Variants in SDC2 observed in about 807,000 individuals in gnomAD.
SDC2 encodes the protein syndecan 2, also known as syndecan-2.
Under a neutral mutation model 22.2 loss-of-function variants are expected in SDC2, and 13 were observed. That is an observed-to-expected ratio of 0.59 (90% CI 0.38 to 0.93). The LOEUF (loss-of-function observed/expected upper bound fraction) is 0.93, where lower values mean the gene tolerates loss of function less well. Ranked by LOEUF, SDC2 falls within the 40% of genes least tolerant of loss-of-function variation. SDC2 has a pLI of 0.00. For missense variants in SDC2, 235 were observed against 246.8 expected (o/e 0.95, Z 0.32); for synonymous variants, 94 against 92.8 (o/e 1.01, Z -0.07).
At chr8:96,602,861 A>G (rs1271303234) in intron 3 of SDC2, among the ~76,000 whole-genome samples, 2 of 152,196 alleles carry the variant, frequency 1.3e-5, no homozygotes, top group Non-Finnish European at 2.9e-5. Flanking sequence ...GTTAAGAAGT[A>G]AAGCCCTGTT....
intron 1 of SDC2, among the ~76,000 whole-genome samples, chr8:96,508,158 T>A (rs1369447486): frequency 6.6e-6 from 1 of 152,012 alleles, no homozygotes; most frequent in East Asian, 1.9e-4. Context: ...TAGCCGGGCA[T>A]GGGGGCGGGC....
Position 96,602,512 on chromosome 8 carries a change from T to C in SDC2, c.290T>C (p.Ile97Thr), listed in dbSNP as rs983787588. ...ACGACGCTGAATATACAGAACAAGA[T>C]ACCTGCTCAGACAAAGGTGCGTTCT... ...ETTTLNIQNK[I>T]PAQTKSPEET... The change falls in exon 3 of 5, where the codon ATA becomes ACA. Residue 97 changes from isoleucine (I) to threonine (T), a missense_variant. Ile to Thr is a moderately conservative substitution (Grantham distance 89). Transcript: ENST00000302190. The C allele has an allele frequency of 5.0e-6, 8 of 1,614,004 alleles. No homozygotes were observed. The highest frequency in any genetic ancestry group is 2.7e-5 in the African/African-American group (2 of 74,946).
chr8:96,553,255 G>C (rs1325430004), intron 1 of SDC2, among the ~76,000 whole-genome samples: 2 of 152,182 alleles, frequency 1.3e-5, no homozygotes, highest in African/African-American at 4.8e-5. Flanking sequence ...TTAATTACAA[G>C]TATTCAATTT....
rs146791873 is a variant in SDC2 at position 96,554,056 on chromosome 8, G to A, written c.61-39424G>A. Among the ~76,000 whole-genome samples, 94 of 152,250 alleles carry A rather than the reference G, an allele frequency of 6.2e-4. 1 individual carries two copies. The highest frequency in any genetic ancestry group is 2.1e-3 in the African/African-American group (88 of 41,550). ...CTGCCTTGCTTCAGCCTCCCAAAGT[G>A]TTGGGGTTACAGGTGTGAGCTACTG... On this transcript the variant is annotated intron_variant, in intron 1 of 4. Coordinates refer to ENST00000302190, the MANE Select transcript of SDC2 (RefSeq NM_002998.4).
At chr8:96,586,232 A>G (rs2130618157) in intron 1 of SDC2, among the ~76,000 whole-genome samples, 1 of 152,324 alleles carries the variant, frequency 6.6e-6, no homozygotes, top group East Asian at 1.9e-4. Flanking sequence ...GTAAGAGAAC[A>G]TTGATCTGTT....
chr8:96,582,517 A>C (rs1001232438), intron 1 of SDC2, among the ~76,000 whole-genome samples: 3 of 152,112 alleles, frequency 2.0e-5, no homozygotes, highest in African/African-American at 7.2e-5. Flanking sequence ...GAGTCTTTGA[A>C]AGTGCTGACA....
At position 96,583,767 on chromosome 8, in the gene SDC2, T is replaced by C. The variant is rs550718158; in HGVS notation, c.61-9713T>C. On this transcript the variant is annotated intron_variant, in intron 1 of 4. Coordinates refer to ENST00000302190, the MANE Select transcript of SDC2 (RefSeq NM_002998.4). ...ATATAGTTGTAATATTAGAAAAAAA[T>C]TAATGTATGCTTTTTAAATTTAATA... Among the ~76,000 whole-genome samples the C allele has an allele frequency of 2.4e-4, 36 of 151,360 alleles. No individual in the cohort carries two copies. In the East Asian group the frequency reaches 6.6e-3, roughly 28 times the overall value.
At chr8:96,580,426 C>T (rs372025104) in intron 1 of SDC2, 1 of 985,398 alleles carries the variant, frequency 1.0e-6, no homozygotes, top group Non-Finnish European at 1.2e-6. Flanking sequence ...CCCAAGCCTC[C>T]ATATCCTCAG....
At chr8:96,550,210 C>T (rs535658839) in intron 1 of SDC2, among the ~76,000 whole-genome samples, 1 of 152,232 alleles carries the variant, frequency 6.6e-6, no homozygotes, top group South Asian at 2.1e-4. Flanking sequence ...AATACAGTTA[C>T]AGGTTGGGGT....
chr8:96,535,364 A>T (rs1461466951), intron 1 of SDC2, among the ~76,000 whole-genome samples: 1 of 152,234 alleles, frequency 6.6e-6, no homozygotes, highest in African/African-American at 2.4e-5. Context: ...TACTTAAACT[A>T]AAAATTATTT....
chr8:96,558,590 A>T (rs968506703), intron 1 of SDC2, among the ~76,000 whole-genome samples: 11 of 152,306 alleles, frequency 7.2e-5, no homozygotes, highest in African/African-American at 2.6e-4. Context: ...CTATAAATTG[A>T]TATCTGTTTC....
intron 1 of SDC2, among the ~76,000 whole-genome samples, chr8:96,565,746 G>C (rs926391454): frequency 6.6e-6 from 1 of 152,122 alleles, no homozygotes; most frequent in African/African-American, 2.4e-5. Context: ...GATTGGAAAG[G>C]CTGGGTAGAT....
At chr8:96,571,409 T>G in intron 1 of SDC2, among the ~76,000 whole-genome samples, 1 of 152,180 alleles carries the variant, frequency 6.6e-6, no homozygotes, top group East Asian at 1.9e-4. Context: ...ACCGGGGTCT[T>G]ATGGGCTTGA....
Position 96,609,780 on chromosome 8 carries a change from T to G in SDC2, c.*232T>G. ...ATAGCAGTGGCAAAATATTATGTTATGAAAACCCTCGATGTTCATGGAATT... is the reference window on the plus strand; with the variant it reads ...ATAGCAGTGGCAAAATATTATGTTAGGAAAACCCTCGATGTTCATGGAATT... On this transcript the variant is annotated 3_prime_UTR_variant, in exon 5 of 5. Transcript: ENST00000302190. The G allele has an allele frequency of 2.8e-6, 1 of 352,210 alleles. No homozygotes were observed. The allele number at this position is 352,210 out of a possible 1,614,324, so 21.8% of individuals were successfully genotyped here.
At chr8:96,537,267 T>A (rs556058814) in intron 1 of SDC2, 64 of 152,262 alleles carry the variant, frequency 4.2e-4, no homozygotes, top group Middle Eastern at 3.4e-3. Context: ...TGGCTAGTGG[T>A]TTTAGCAGTT....
At chr8:96,576,665 C>T (rs975356293) in intron 1 of SDC2, among the ~76,000 whole-genome samples, 36 of 150,082 alleles carry the variant, frequency 2.4e-4, no homozygotes, top group African/African-American at 7.4e-4. Flanking sequence ...GTGATCCGCC[C>T]GCCTCGGCCT....
chr8:96,608,484 T>C lies in SDC2; in HGVS notation c.442+14T>C. The C allele has an allele frequency of 6.2e-7, 1 of 1,606,792 alleles. No homozygotes were observed. Among genetic ancestry groups the C allele is most frequent in the African/African-American group, 1.3e-5 (1 of 74,808 alleles). Reference sequence around the variant, plus strand: ...AAGTCCTAGCAGGTGAGTAGCCTGGTGGGCCTCAGGTGGGAGGGTGCCTAC... The same window carrying C: ...AAGTCCTAGCAGGTGAGTAGCCTGGCGGGCCTCAGGTGGGAGGGTGCCTAC... On this transcript the variant is annotated intron_variant, in intron 4 of 4. Transcript: ENST00000302190.
chr8:96,572,179 C>G (rs769538085), intron 1 of SDC2, among the ~76,000 whole-genome samples: 7 of 152,070 alleles, frequency 4.6e-5, no homozygotes, highest in African/African-American at 7.3e-5. Flanking sequence ...GAGAGGCAAC[C>G]CTACAGGAGG....
chr8:96,522,894 A>C (rs145659032), intron 1 of SDC2, among the ~76,000 whole-genome samples: 1 of 152,260 alleles, frequency 6.6e-6, no homozygotes, highest in African/African-American at 2.4e-5. Flanking sequence ...TAGAAAGGGG[A>C]AATGGCTATT....
Sources: gnomAD v4.1 joint callset for allele counts (sites outside exome capture counted in the v4.1 genomes callset) on GRCh38, gnomAD v4.1.1 for gene constraint, MANE v1.5 for transcripts, NCBI Gene and HGNC (gene_info 2026-07-23, HGNC 2026-07-21) for gene names.